Variants in GRIA3 observed in about 807,000 individuals in gnomAD.
GRIA3 encodes the protein glutamate ionotropic receptor AMPA type subunit 3.
Under a neutral mutation model 63.0 loss-of-function variants are expected in GRIA3, and 3 were observed. The ratio of observed to expected loss-of-function variants is 0.05; its 90% CI spans 0.02 to 0.12. The LOEUF (loss-of-function observed/expected upper bound fraction) is 0.12. Among genes scored for constraint, GRIA3 ranks in the 10% least tolerant of loss-of-function variants. The pLI, the probability that GRIA3 is intolerant of heterozygous loss-of-function variation, is 1.00. For missense variants in GRIA3, 347 were observed against 700.9 expected (o/e 0.50, Z 5.70); for synonymous variants, 274 against 257.9 (o/e 1.06, Z -0.60).
At chrX:123,380,612 G>A (rs2045318281) in intron 5 of GRIA3, among the ~76,000 whole-genome samples, 1 of 111,384 alleles carries the variant, frequency 9.0e-6, no homozygotes, top group Admixed American at 9.6e-5. Flanking sequence ...TCACTCTGAT[G>A]GTAGTTTCTT....
At chrX:123,367,527 C>T (rs2045218898) in intron 5 of GRIA3, among the ~76,000 whole-genome samples, 1 of 110,240 alleles carries the variant, frequency 9.1e-6, no homozygotes, top group African/African-American at 3.3e-5. Context: ...ACCTCCGCCT[C>T]CTGGGTTCAA....
rs1016057022 is a variant in GRIA3, at chrX:123,389,633, A to G, written c.751-5335A>G. ...CTGAGGTGAGTTTCTTGTAGGCAGC[A>G]TATAGCTGGATCATTTTTTAAATCC... On this transcript the variant is annotated intron_variant, in intron 5 of 15. Coordinates refer to ENST00000620443, the MANE Select transcript of GRIA3 (RefSeq NM_007325.5). Among the ~76,000 whole-genome samples, 3 of 111,413 alleles carry G rather than the reference A, an allele frequency of 2.7e-5. No individual in the cohort carries two copies. The East Asian group carries it at 8.4e-4, about 31-fold the overall frequency.
chrX:123,345,034 A>G (rs1054338219), intron 4 of GRIA3, among the ~76,000 whole-genome samples: 2 of 111,299 alleles, frequency 1.8e-5, no homozygotes, highest in African/African-American at 6.6e-5. Context: ...CAGGTGATCC[A>G]CATAGTGTAC....
chrX:123,240,648 C>T (rs2044324952), intron 2 of GRIA3, among the ~76,000 whole-genome samples: 1 of 111,755 alleles, frequency 8.9e-6, no homozygotes, highest in African/African-American at 3.3e-5. Context: ...CCATTTGCTT[C>T]CTAACAACAA....
chrX:123,297,181 G>A (rs1483495548), intron 3 of GRIA3, among the ~76,000 whole-genome samples: 1 of 111,092 alleles, frequency 9.0e-6, no homozygotes, highest in East Asian at 2.9e-4. Flanking sequence ...ACATTTACAA[G>A]ATTCTCATGT....
At position 123,420,857 on chromosome X, in the gene GRIA3, A is replaced by G. The variant is rs749209246; in HGVS notation, c.1877+3079A>G. ...TGAGATATATCAAATGCTTTTTTTC[A>G]AAGTATGTATTTTATTATACTAAAC... On this transcript the variant is annotated intron_variant, in intron 11 of 15. Transcript: ENST00000620443. 2.7e-5 allele frequency among the ~76,000 whole-genome samples: 3 copies of G among 111,425 alleles called. No individual in the cohort carries two copies. The South Asian group carries it at 1.1e-3, about 42-fold the overall frequency.
At chrX:123,206,081 T>C (rs950128486) in intron 2 of GRIA3, among the ~76,000 whole-genome samples, 3 of 111,668 alleles carry the variant, frequency 2.7e-5, no homozygotes, top group Non-Finnish European at 5.6e-5. Flanking sequence ...GGGGTAAATG[T>C]TTACTGATCT....
rs192810951 is a variant in GRIA3, at chrX:123,197,298, G to T, written c.268+11308G>T. Among the ~76,000 whole-genome samples the T allele has an allele frequency of 3.9e-3, 436 of 112,059 alleles. 4 individuals are homozygous for T. The highest frequency in any genetic ancestry group is 0.014 in the African/African-American group (419 of 30,769). ...CCCAGCACTTTGGGAGACCAAGGCC[G>T]GAGATCACCTGAGGTCAGGAGTTCG... On this transcript the variant is annotated intron_variant, in intron 2 of 15. Transcript: ENST00000620443.
intron 15 of GRIA3, among the ~76,000 whole-genome samples, chrX:123,484,969 G>A (rs1418025347): frequency 2.7e-5 from 3 of 112,558 alleles, no homozygotes; most frequent in Non-Finnish European, 5.6e-5. Flanking sequence ...GCACCAATCC[G>A]CTGACAGTGT....
intron 2 of GRIA3, among the ~76,000 whole-genome samples, chrX:123,193,423 CT>C (rs1267607347): frequency 8.9e-6 from 1 of 112,153 alleles, no homozygotes; most frequent in Non-Finnish European, 1.9e-5. Context: ...TCTGACTTCC[CT>C]TAAACAGGGT....
chrX:123,395,005 G>C lies in GRIA3; in HGVS notation c.788G>C (p.Gly263Ala). Residue 263 changes from glycine to alanine, a missense_variant, in exon 6 of 16, where the codon GGG becomes GCG. Coordinates refer to ENST00000620443, the MANE Select transcript of GRIA3 (RefSeq NM_007325.5). ...TDILLERVMH[G>A]GANITGFQIV... ...ATTTTACTGGAAAGAGTCATGCATG[G>C]GGGAGCCAACATTACAGGTTTCCAG... 8.4e-7 allele frequency: 1 copy of C among 1,193,555 alleles called. No homozygotes were observed. The highest frequency in any genetic ancestry group is 1.1e-6 in the Non-Finnish European group (1 of 879,000).
At chrX:123,205,527 A>G (rs1927862016) in intron 2 of GRIA3, among the ~76,000 whole-genome samples, 1 of 112,064 alleles carries the variant, frequency 8.9e-6, no homozygotes, top group Non-Finnish European at 1.9e-5. Context: ...GATAGACAGC[A>G]TATTAGAAAT....
At chrX:123,450,637 A>G (rs2045725253) in intron 12 of GRIA3, among the ~76,000 whole-genome samples, 1 of 113,122 alleles carries the variant, frequency 8.8e-6, no homozygotes, top group Admixed American at 9.3e-5. Flanking sequence ...AGTACATGCT[A>G]TATGACAGCC....
chrX:123,374,563 G>T (rs987696136), intron 5 of GRIA3, among the ~76,000 whole-genome samples: 3 of 111,599 alleles, frequency 2.7e-5, no homozygotes, highest in Non-Finnish European at 5.6e-5. Context: ...CCTTGAAGAG[G>T]TCCTTCACAT....
intron 3 of GRIA3, among the ~76,000 whole-genome samples, chrX:123,284,075 TG>T: frequency 1.8e-5 from 2 of 112,920 alleles, no homozygotes; most frequent in Middle Eastern, 9.2e-3. Flanking sequence ...TTTGCTGTTC[TG>T]CAGCCTCTGC....
chrX:123,278,782 A>G (rs768010737), intron 3 of GRIA3, among the ~76,000 whole-genome samples: 1 of 111,756 alleles, frequency 8.9e-6, no homozygotes. Context: ...CCATTGGTCT[A>G]TGTGTCCATT....
intron 3 of GRIA3, among the ~76,000 whole-genome samples, chrX:123,324,466 C>T (rs1488871590): frequency 9.0e-6 from 1 of 111,553 alleles, no homozygotes; most frequent in East Asian, 2.8e-4. Flanking sequence ...TTTTCAATTG[C>T]CTTAATCTCT....
chrX:123,448,795 A>G (rs781354977), intron 12 of GRIA3, among the ~76,000 whole-genome samples: 11 of 111,839 alleles, frequency 9.8e-5, no homozygotes, highest in South Asian at 3.8e-4. Context: ...GAGCATAAGG[A>G]ACATGTTTTC....
intron 3 of GRIA3, among the ~76,000 whole-genome samples, chrX:123,285,604 C>T (rs1207685851): frequency 3.3e-5 from 2 of 60,520 alleles, no homozygotes; most frequent in Non-Finnish European, 6.3e-5. Context: ...AAAAAAAAAG[C>T]AGGGGTTGCA....
Sources: allele counts gnomAD v4.1 joint callset (sites outside exome capture counted in the v4.1 genomes callset), GRCh38; gene constraint gnomAD v4.1.1; transcripts MANE v1.5; gene names NCBI Gene and HGNC (gene_info 2026-07-23, HGNC 2026-07-21).